Variants in PPP1R12A observed in about 807,000 individuals in gnomAD.
The protein encoded by PPP1R12A is myosin binding subunit.
PPP1R12A carries 19 observed loss-of-function variants against 139.6 expected under a neutral mutation model. The observed-to-expected ratio is 0.14, with a 90% CI of 0.09 to 0.20. The LOEUF (loss-of-function observed/expected upper bound fraction) is 0.20, where lower values mean the gene tolerates loss of function less well. Among genes scored for constraint, PPP1R12A ranks in the 10% least tolerant of loss-of-function variants. The pLI, the probability that PPP1R12A is intolerant of heterozygous loss-of-function variation, is 1.00. For synonymous variants in PPP1R12A, 427 were observed against 420.6 expected, an observed-to-expected ratio of 1.02 and a Z score of -0.19; for missense variants, 925 against 1,211.5, an observed-to-expected ratio of 0.76 and a Z score of 3.51.
rs1876954167 is a variant in PPP1R12A at position 79,827,649 on chromosome 12, T to A, written c.792+671A>T. 1.3e-5 allele frequency among the ~76,000 whole-genome samples: 2 copies of A among 152,096 alleles called. 1 individual carries two copies. Among genetic ancestry groups the A allele is most frequent in the South Asian group, 4.1e-4 (2 of 4,830 alleles). On this transcript the variant is annotated intron_variant, in intron 5 of 24. Coordinates refer to ENST00000450142, the MANE Select transcript of PPP1R12A (RefSeq NM_002480.3). Reference sequence around the variant, plus strand: ...GAGAAGTCTAGTTTAACAAGAAACTTGATAACCTGAATCTTTTCATGATTT... The same window carrying A: ...GAGAAGTCTAGTTTAACAAGAAACTAGATAACCTGAATCTTTTCATGATTT...
At chr12:79,924,423 C>T (rs527401649) in intron 1 of PPP1R12A, among the ~76,000 whole-genome samples, 2 of 152,200 alleles carry the variant, frequency 1.3e-5, no homozygotes, top group African/African-American at 2.4e-5. Flanking sequence ...GAGCCAGCAG[C>T]ATCACAACCT....
intron 23 of PPP1R12A, chr12:79,779,358 G>C (rs1023105677): frequency 1.6e-6 from 2 of 1,288,898 alleles, no homozygotes; most frequent in Non-Finnish European, 2.0e-6. Context: ...TCACCTTTCA[G>C]ATACAAACCA....
At chr12:79,896,332 T>C (rs1043395078) in intron 1 of PPP1R12A, among the ~76,000 whole-genome samples, 1 of 151,944 alleles carries the variant, frequency 6.6e-6, no homozygotes, top group Non-Finnish European at 1.5e-5. Context: ...CAAAATAAAT[T>C]TTATTTATTT....
chr12:79,787,514 CT>C (rs888163491), intron 21 of PPP1R12A: 1 of 152,074 alleles, frequency 6.6e-6, no homozygotes, highest in African/African-American at 2.4e-5. Context: ...AATCAATCCA[CT>C]TTCTTTTTTT....
chr12:79,866,337 C>G (rs537902958), intron 2 of PPP1R12A, among the ~76,000 whole-genome samples: 27 of 152,168 alleles, frequency 1.8e-4, no homozygotes, highest in Non-Finnish European at 1.5e-5. Flanking sequence ...GGATCAAAGA[C>G]TTAAACGTAA....
chr12:79,934,149 A>G (rs1309163315), intron 1 of PPP1R12A, among the ~76,000 whole-genome samples: 1 of 152,172 alleles, frequency 6.6e-6, no homozygotes, highest in African/African-American at 2.4e-5. Flanking sequence ...AGAAAACAGG[A>G]AATCGTTCGT....
At chr12:79,853,220 T>C (rs2137247480) in intron 2 of PPP1R12A, among the ~76,000 whole-genome samples, 1 of 152,362 alleles carries the variant, frequency 6.6e-6, no homozygotes, top group East Asian at 1.9e-4. Flanking sequence ...TGTCTTGCTA[T>C]GGTGTCCCTC....
intron 1 of PPP1R12A, among the ~76,000 whole-genome samples, chr12:79,919,011 G>A (rs1887222216): frequency 1.3e-5 from 2 of 152,018 alleles, no homozygotes; most frequent in Non-Finnish European, 2.9e-5. Flanking sequence ...AGCTACTCAG[G>A]AGGCTGAGGT....
Position 79,778,828 on chromosome 12 carries a change from G to T in PPP1R12A, c.2956-228C>A, listed in dbSNP as rs540672406. The T allele has an allele frequency of 1.2e-5, 4 of 337,802 alleles. No homozygotes were observed. In the East Asian group the frequency reaches 1.8e-4, roughly 15 times the overall value. The allele number at this position is 337,802 out of a possible 1,614,324, so 20.9% of individuals were successfully genotyped here. A position where few individuals can be genotyped will look rare whatever the true frequency, so the allele number is the denominator to read the frequency against. ...CTTAATTTAAAGCTTTGACTTTCTG[G>T]GAAGATGCTACATAACATATTCAAA... On this transcript the variant is annotated intron_variant, in intron 23 of 24. Coordinates refer to ENST00000450142, the MANE Select transcript of PPP1R12A (RefSeq NM_002480.3).
chr12:79,814,767 A>T (rs1176408075), intron 9 of PPP1R12A, among the ~76,000 whole-genome samples: 1 of 122,310 alleles, frequency 8.2e-6, no homozygotes, highest in Non-Finnish European at 1.6e-5. Flanking sequence ...GTGAGCCGAG[A>T]TTGCGCCACT....
At chr12:79,828,789 T>C (rs1877084578) in intron 4 of PPP1R12A, among the ~76,000 whole-genome samples, 1 of 152,146 alleles carries the variant, frequency 6.6e-6, no homozygotes. Flanking sequence ...CCCATAATTT[T>C]TCAATGTAAA....
chr12:79,905,341 C>CCG (rs1219002103), intron 1 of PPP1R12A, among the ~76,000 whole-genome samples: 1 of 101,680 alleles, frequency 9.8e-6, no homozygotes, highest in Non-Finnish European at 2.0e-5. Context: ...GTTTTGCCGC[C>CCG]CCCCCCCACC....
At chr12:79,923,565 T>G (rs1265613096) in intron 1 of PPP1R12A, among the ~76,000 whole-genome samples, 1 of 152,234 alleles carries the variant, frequency 6.6e-6, no homozygotes, top group Non-Finnish European at 1.5e-5. Context: ...CAGAGATATT[T>G]AAAAGGATGT....
intron 1 of PPP1R12A, among the ~76,000 whole-genome samples, chr12:79,931,369 T>TA (rs1888240814): frequency 1.3e-5 from 2 of 152,112 alleles, no homozygotes; most frequent in Non-Finnish European, 2.9e-5. Context: ...AATCAATACA[T>TA]AACCCCAAAA....
chr12:79,871,629 T>C (rs894635850), intron 2 of PPP1R12A, among the ~76,000 whole-genome samples: 1 of 152,196 alleles, frequency 6.6e-6, no homozygotes, highest in Non-Finnish European at 1.5e-5. Context: ...GGCATTCATA[T>C]TCCATATCAA....
chr12:79,811,738 TTTTA>T (rs1874561701), intron 9 of PPP1R12A, among the ~76,000 whole-genome samples: 1 of 152,154 alleles, frequency 6.6e-6, no homozygotes, highest in South Asian at 2.1e-4. Context: ...AATGACTTTT[TTTTA>T]TTTTTTTTCT....
At chr12:79,831,674 CATACAT>C (rs2137152617) in intron 4 of PPP1R12A, among the ~76,000 whole-genome samples, 1 of 152,292 alleles carries the variant, frequency 6.6e-6, no homozygotes, top group South Asian at 2.1e-4. Context: ...CTTCCTTTCA[CATACAT>C]ATAAGAATAA....
intron 4 of PPP1R12A, among the ~76,000 whole-genome samples, chr12:79,830,512 G>A (rs1877294253): frequency 1.3e-5 from 2 of 152,098 alleles, no homozygotes. Context: ...AATTCCTAGA[G>A]GTAGAATCAG....
chr12:79,858,531 G>A (rs993401657), intron 2 of PPP1R12A, among the ~76,000 whole-genome samples: 14 of 152,234 alleles, frequency 9.2e-5, no homozygotes, highest in Non-Finnish European at 1.5e-4. Flanking sequence ...CAAAGTTGAC[G>A]AGAATTACTT....
Sources: allele counts gnomAD v4.1 joint callset (sites outside exome capture counted in the v4.1 genomes callset), GRCh38; gene constraint gnomAD v4.1.1; transcripts MANE v1.5; gene names NCBI Gene and HGNC (gene_info 2026-07-23, HGNC 2026-07-21).